Variants in NAPA observed in about 807,000 individuals in gnomAD.
NAPA encodes the protein alpha-soluble NSF attachment protein.
A neutral mutation model predicts 48.0 loss-of-function variants in NAPA; 18 were observed. That is an observed-to-expected ratio of 0.38 (90% confidence interval 0.26 to 0.56). NAPA has a LOEUF of 0.56. NAPA is among the 20% of genes least tolerant of loss of function. The pLI, the probability that NAPA is intolerant of heterozygous loss-of-function variation, is 0.77. For synonymous variants in NAPA, 152 were observed against 149.9 expected (o/e 1.01, Z -0.10); for missense variants, 315 against 385.0 (o/e 0.82, Z 1.52).
In NAPA at chr19:47,488,198, G is replaced by T; in HGVS notation, c.*90C>A. 3.9e-6 allele frequency: 5 copies of T among 1,293,638 alleles called. No homozygotes were observed. In the South Asian group the frequency reaches 6.5e-5, roughly 17 times the overall value. The allele number at this position is 1,293,638 out of a possible 1,614,324, so 80.1% of individuals were successfully genotyped here. ...GTGGCCCGCGGCACTCCCCAGATGG[G>T]AAAGGAGGGAAGCTCTCCAGCAAGT... On this transcript the variant is annotated 3_prime_UTR_variant, in exon 11 of 11. Coordinates refer to ENST00000263354, the MANE Select transcript of NAPA (RefSeq NM_003827.4).
chr19:47,515,062 G>A lies in NAPA; in HGVS notation c.-122C>T. On this transcript the variant is annotated 5_prime_UTR_variant, in exon 1 of 11. Coordinates refer to ENST00000263354, the MANE Select transcript of NAPA (RefSeq NM_003827.4). The stretch of plus-strand genomic sequence containing the variant: ...GGCTGCGTTGACGTCGCACCGGCGC[G>A]CGTCGCTTGCGGCCAGGAACCACGT... 1.0e-6 allele frequency: 1 copy of A among 1,000,632 alleles called. No homozygotes were observed. The allele number at this position is 1,000,632 out of a possible 1,614,324, so 62.0% of individuals were successfully genotyped here. A position where few individuals can be genotyped will look rare whatever the true frequency, so the allele number is the denominator to read the frequency against.
rs918181118 is a variant in NAPA, at chr19:47,506,244, C to A, written c.99-2742G>T. ...AACTCCTGACCTCAAGTGGTCCACT[C>A]GCCTCGGCCTCCCAAAGTGCTGGGA... On this transcript the variant is annotated intron_variant, in intron 1 of 10. Transcript: ENST00000263354. The surrounding 1 kb of genome is among the most constrained non-coding windows in gnomAD (Gnocchi z 4.0). Among the ~76,000 whole-genome samples the A allele has an allele frequency of 6.6e-6, 1 of 152,092 alleles. No homozygotes were observed. The highest frequency in any genetic ancestry group is 2.4e-5 in the African/African-American group (1 of 41,408).
At chr19:47,485,674 T>C (rs543342214), downstream of NAPA, among the ~76,000 whole-genome samples, 2 of 152,330 alleles carry the variant, frequency 1.3e-5, no homozygotes, top group South Asian at 2.1e-4. Flanking sequence ...GTGCTGAGCA[T>C]GTAAGAGACA....
At chr19:47,500,375 G>A (rs1968543045) in intron 3 of NAPA, among the ~76,000 whole-genome samples, 1 of 152,228 alleles carries the variant, frequency 6.6e-6, no homozygotes, top group Admixed American at 6.5e-5. Context: ...CCGGGATTGG[G>A]AAGGGGTGAT....
At chr19:47,495,649 A>T in intron 3 of NAPA, 53 bp from the exon 4 acceptor site, 1 of 1,579,108 alleles carries the variant, frequency 6.3e-7, no homozygotes, top group Non-Finnish European at 8.7e-7. Flanking sequence ...TCGTTTCAGC[A>T]GAAGCTGAGG....
chr19:47,496,925 G>A (rs1968441158), intron 3 of NAPA: 2 of 447,590 alleles, frequency 4.5e-6, no homozygotes, highest in Non-Finnish European at 9.0e-6. Flanking sequence ...CTGAGAGAAG[G>A]TACAGCACTC....
intron 3 of NAPA, chr19:47,496,257 G>A (rs1457857678): frequency 1.3e-5 from 2 of 152,966 alleles, no homozygotes; most frequent in African/African-American, 4.8e-5. Context: ...CTTTAACCTA[G>A]TCCTGCCACC....
rs1453917827 is a variant in NAPA, at chr19:47,493,532, A to ACCT, written c.343-42_343-40dup. On this transcript the variant is annotated intron_variant, in intron 4 of 10. Coordinates refer to ENST00000263354, the MANE Select transcript of NAPA (RefSeq NM_003827.4). This position sits in a 1 kb window ranked among gnomAD's most constrained non-coding sequence, Gnocchi z 6.4. ...AGGAAGGGGCTGCCTGCGACTCATG[A>ACCT]CCTCCTGCGTGCCTGCCTGCTGACC... 5.1e-6 allele frequency: 8 copies of ACCT among 1,581,344 alleles called. No individual in the cohort carries two copies. Among genetic ancestry groups the ACCT allele is most frequent in the South Asian group, 1.1e-5 (1 of 90,336 alleles).
In NAPA at chr19:47,490,794, C is replaced by T; in HGVS notation, c.729G>A (p.Leu243=). The T allele has an allele frequency of 6.2e-7, 1 of 1,613,636 alleles. No individual in the cohort carries two copies. The highest frequency in any genetic ancestry group is 1.1e-5 in the South Asian group (1 of 90,902). Residue 243 remains leucine (L), a synonymous_variant, in exon 9 of 11, where the codon TTG becomes TTA. Transcript: ENST00000263354. ...PAFSDSRECK[L]MKKLLEAHEE... ...CGGAGCACCCAGCACTTACTTTCATCAACTTGCATTCCCGGGAATCAGAGA... is the reference window on the plus strand; with the variant it reads ...CGGAGCACCCAGCACTTACTTTCATTAACTTGCATTCCCGGGAATCAGAGA...
At chr19:47,504,268 G>T (rs777900342) in intron 1 of NAPA, among the ~76,000 whole-genome samples, 1 of 151,894 alleles carries the variant, frequency 6.6e-6, no homozygotes, top group Non-Finnish European at 1.5e-5. Flanking sequence ...GATGGTGCAC[G>T]CCTGTAGTCC....
At chr19:47,503,913 G>C (rs534964465) in intron 1 of NAPA, among the ~76,000 whole-genome samples, 1 of 152,326 alleles carries the variant, frequency 6.6e-6, no homozygotes, top group East Asian at 1.9e-4. Context: ...ACATCGTGTT[G>C]CTTTCGCAGA....
chr19:47,502,237 CAAAAAAAAAAAA>C (rs55762206), intron 2 of NAPA, among the ~76,000 whole-genome samples: 3 of 62,454 alleles, frequency 4.8e-5, no homozygotes, highest in Non-Finnish European at 8.0e-5. Flanking sequence ...AAGACTGTCT[CAAAAAAAAAAAA>C]AAAAAAAAAA....
At chr19:47,494,552 A>G (rs890658915) in intron 4 of NAPA, among the ~76,000 whole-genome samples, 2 of 152,044 alleles carry the variant, frequency 1.3e-5, no homozygotes, top group Non-Finnish European at 2.9e-5. Flanking sequence ...AGCCTGGCCA[A>G]CATGGTGAAA....
At chr19:47,486,210 C>G (rs185564199), downstream of NAPA, among the ~76,000 whole-genome samples, 4 of 152,210 alleles carry the variant, frequency 2.6e-5, no homozygotes, top group African/African-American at 9.6e-5. Context: ...CAAAAATTAG[C>G]TGGGCGTGGT....
chr19:47,487,376 G>A (rs1444993676), downstream of NAPA, among the ~76,000 whole-genome samples: 5 of 152,300 alleles, frequency 3.3e-5, no homozygotes, highest in South Asian at 2.1e-4. Flanking sequence ...CCCAGTTGAG[G>A]AAATCAAGGC....
intron 10 of NAPA, chr19:47,488,993 C>T (rs1968167202): frequency 6.6e-6 from 1 of 152,230 alleles, no homozygotes. Flanking sequence ...AAAGGCCACT[C>T]CTGAGTGCCA....
At chr19:47,505,914 C>T (rs1223150856) in intron 1 of NAPA, among the ~76,000 whole-genome samples, 1 of 152,070 alleles carries the variant, frequency 6.6e-6, no homozygotes, top group South Asian at 2.1e-4. Flanking sequence ...TTCCCGCACT[C>T]GCCCTGCTGC....
chr19:47,495,741 T>A, intron 3 of NAPA, 145 bp from the exon 4 acceptor site: 1 of 730,832 alleles, frequency 1.4e-6, no homozygotes, highest in Non-Finnish European at 2.4e-6. Flanking sequence ...CCACACACTC[T>A]CAAGGGGCTG....
At chr19:47,499,805 GTCTT>G (rs1968526878) in intron 3 of NAPA, among the ~76,000 whole-genome samples, 1 of 152,230 alleles carries the variant, frequency 6.6e-6, no homozygotes, top group Non-Finnish European at 1.5e-5. Flanking sequence ...CTGCAAACCT[GTCTT>G]CTCTTGGGAA....
Sources: allele counts gnomAD v4.1 joint callset (sites outside exome capture counted in the v4.1 genomes callset), GRCh38; gene constraint gnomAD v4.1.1; non-coding constraint Gnocchi (gnomAD v3.1); transcripts MANE v1.5; gene names NCBI Gene and HGNC (gene_info 2026-07-23, HGNC 2026-07-21).